Variants in SCAF11 observed in about 807,000 individuals in gnomAD.
SCAF11 encodes protein SCAF11.
In SCAF11, 47 loss-of-function variants were observed where a neutral mutation model predicts 140.5. The observed-to-expected ratio is 0.33, with a 90% confidence interval of 0.26 to 0.43. The LOEUF (loss-of-function observed/expected upper bound fraction) is 0.43, where lower values mean the gene tolerates loss of function less well. Among genes scored for constraint, SCAF11 ranks in the 20% least tolerant of loss-of-function variants. The probability of loss-of-function intolerance (pLI) is 1.00; values close to 1 mark genes in which losing one functional copy is unlikely to be tolerated. For synonymous variants in SCAF11, 557 were observed against 579.4 expected (o/e 0.96, Z 0.55); for missense variants, 1,645 against 1,705.1 (o/e 0.96, Z 0.62).
At position 45,964,439 on chromosome 12, in the gene SCAF11, G is replaced by A. The variant is rs574177015; in HGVS notation, c.-21-251C>T. On this transcript the variant is annotated intron_variant, in intron 1 of 14. Coordinates refer to ENST00000369367, the MANE Select transcript of SCAF11 (RefSeq NM_004719.3). ...TCCCAGCACTTTGGGAGGCCGAGGC[G>A]GGCGGATCACAAGTTCAGGAGATCG... 4.8e-3 allele frequency among the ~76,000 whole-genome samples: 736 copies of A among 152,196 alleles called. 4 individuals are homozygous for A. The highest frequency in any genetic ancestry group is 7.5e-3 in the Non-Finnish European group (511 of 67,980).
Position 45,948,657 on chromosome 12 carries a change from C to T in SCAF11, c.298-120G>A, listed in dbSNP as rs148404978. ...AACTGTCCAATTAAAAAGTGTAGTC[C>T]AAATACATATGCTTATTCATTCAAG... On this transcript the variant is annotated intron_variant, in intron 4 of 14. Coordinates refer to ENST00000369367, the MANE Select transcript of SCAF11 (RefSeq NM_004719.3). The T allele has an allele frequency of 2.7e-3, 1,708 of 637,582 alleles. 7 individuals carry two copies. Among genetic ancestry groups the T allele is most frequent in the Middle Eastern group, 0.019 (50 of 2,588 alleles). The allele number at this position is 637,582 out of a possible 1,614,324, so 39.5% of individuals were successfully genotyped here. A position where few individuals can be genotyped will look rare whatever the true frequency, so the allele number is the denominator to read the frequency against.
At chr12:45,960,030 A>G (rs1406516231) in intron 3 of SCAF11, among the ~76,000 whole-genome samples, 1 of 152,206 alleles carries the variant, frequency 6.6e-6, no homozygotes, top group African/African-American at 2.4e-5. Flanking sequence ...CTGCCATACC[A>G]TGTATGTTAT....
chr12:45,970,059 C>G (rs936743159), intron 1 of SCAF11, among the ~76,000 whole-genome samples: 20 of 152,230 alleles, frequency 1.3e-4, no homozygotes, highest in Non-Finnish European at 2.9e-5. Flanking sequence ...CCACGCCCAG[C>G]TAATTTTTGT....
chr12:45,922,403 T>TTA, intron 14 of SCAF11, 60 bp downstream of exon 14: 2 of 1,564,040 alleles, frequency 1.3e-6, no homozygotes, highest in Non-Finnish European at 1.7e-6. Context: ...CAGCATTCAT[T>TTA]TATTAAAACA....
Position 45,974,318 on chromosome 12 carries a change from C to A in SCAF11, c.-21-10130G>T, listed in dbSNP as rs11183270. 199 of 440,288 alleles carry A rather than the reference C, an allele frequency of 4.5e-4. 3 individuals carry two copies. In the East Asian group the frequency reaches 0.01, roughly 23 times the overall value. The allele number at this position is 440,288 out of a possible 1,614,324, so 27.3% of individuals were successfully genotyped here. On this transcript the variant is annotated intron_variant, in intron 1 of 14. Transcript: ENST00000369367. ...TCACAGGATGGTAGTTGCTGAAGGG[C>A]AGGGTTGGCTGTGGCAATTCCTTAA...
Position 45,928,265 on chromosome 12 carries a change from G to A in SCAF11, c.1436C>T (p.Ala479Val). 1 of 1,613,930 alleles carries A rather than the reference G, an allele frequency of 6.2e-7. No homozygotes were observed. Among genetic ancestry groups the A allele is most frequent in the South Asian group, 1.1e-5 (1 of 91,072 alleles). ...RVGSSSSESC[A>V]QDLPVLVGEE... ...ACCAACTAGCACAGGAAGATCTTGAGCACAAGACTCAGAAGATGAAGATCC... is the reference window on the plus strand; with the variant it reads ...ACCAACTAGCACAGGAAGATCTTGAACACAAGACTCAGAAGATGAAGATCC... Residue 479 changes from alanine (A) to valine (V), a missense_variant, in exon 11 of 15, where the codon GCT becomes GTT. Coordinates refer to ENST00000369367, the MANE Select transcript of SCAF11 (RefSeq NM_004719.3).
chr12:45,991,590 T>C (rs1018995294), upstream of SCAF11, among the ~76,000 whole-genome samples: 2 of 152,168 alleles, frequency 1.3e-5, no homozygotes, highest in Admixed American at 1.3e-4. Flanking sequence ...TATCATTATT[T>C]ACTTAAAAGG....
At chr12:45,952,829 T>C (rs188614764) in intron 3 of SCAF11, among the ~76,000 whole-genome samples, 2 of 152,312 alleles carry the variant, frequency 1.3e-5, no homozygotes, top group Admixed American at 6.5e-5. Context: ...CTAATAGCAA[T>C]AGTCTCAAAG....
intron 10 of SCAF11, chr12:45,929,620 G>C (rs569297307): frequency 6.6e-6 from 1 of 152,296 alleles, no homozygotes; most frequent in East Asian, 1.9e-4. Flanking sequence ...CTTCTAATCA[G>C]TTCCTCAAAG....
Position 45,928,289 on chromosome 12 carries a change from C to G in SCAF11, c.1412G>C (p.Gly471Ala), listed in dbSNP as rs1486567769. 6.2e-7 allele frequency: 1 copy of G among 1,613,968 alleles called. No homozygotes were observed. The highest frequency in any genetic ancestry group is 8.5e-7 in the Non-Finnish European group (1 of 1,179,966). ...AGCACAAGACTCAGAAGATGAAGAT[C>G]CTACTCTTTCCTCTGTATCATAATT... The part of the protein sequence containing the change: ...TANYDTEERV[G>A]SSSSESCAQD... The change falls in exon 11 of 15, where the codon GGA becomes GCA. Residue 471 changes from glycine (G) to alanine (A), a missense_variant. Coordinates refer to ENST00000369367, the MANE Select transcript of SCAF11 (RefSeq NM_004719.3).
intron 1 of SCAF11, among the ~76,000 whole-genome samples, chr12:45,972,344 G>A (rs1047240168): frequency 2.6e-5 from 4 of 152,024 alleles, no homozygotes; most frequent in Non-Finnish European, 5.9e-5. Flanking sequence ...CACTTTAAGA[G>A]GTCAAGATGG....
At chr12:45,979,575 T>A (rs750340333) in intron 1 of SCAF11, among the ~76,000 whole-genome samples, 1 of 152,192 alleles carries the variant, frequency 6.6e-6, no homozygotes, top group Non-Finnish European at 1.5e-5. Flanking sequence ...TTCTTCATAC[T>A]AATCCCTTAC....
At chr12:45,990,134 G>A (rs1177159086) in intron 1 of SCAF11, among the ~76,000 whole-genome samples, 4 of 151,806 alleles carry the variant, frequency 2.6e-5, no homozygotes, top group East Asian at 2.0e-4. Context: ...GGCAGCGAGA[G>A]GGAAAGGGGC....
chr12:45,969,679 A>ATGAT (rs1288412883), intron 1 of SCAF11, among the ~76,000 whole-genome samples: 6 of 152,260 alleles, frequency 3.9e-5, no homozygotes, highest in Admixed American at 6.5e-5. Flanking sequence ...CTAAAAAAAG[A>ATGAT]TAAATCAACA....
chr12:45,990,913 A>T (rs1328838980), upstream of SCAF11, among the ~76,000 whole-genome samples: 4 of 152,230 alleles, frequency 2.6e-5, no homozygotes, highest in African/African-American at 9.6e-5. Flanking sequence ...GATGGTGCGC[A>T]TGCGCAGCGC....
chr12:45,972,411 C>T (rs188031854), intron 1 of SCAF11, among the ~76,000 whole-genome samples: 2 of 151,784 alleles, frequency 1.3e-5, no homozygotes, highest in African/African-American at 4.8e-5. Flanking sequence ...GTGAGATCCT[C>T]TCTCTACAAA....
intron 6 of SCAF11, chr12:45,934,873 T>C (rs1945134444): frequency 6.5e-6 from 1 of 153,768 alleles, no homozygotes; most frequent in Non-Finnish European, 1.4e-5. Context: ...AATAATACAC[T>C]TAACATTTCT....
At position 45,945,863 on chromosome 12, in the gene SCAF11, A is replaced by T. The variant is rs565182292; in HGVS notation, c.399-550T>A. On this transcript the variant is annotated intron_variant, in intron 5 of 14. Coordinates refer to ENST00000369367, the MANE Select transcript of SCAF11 (RefSeq NM_004719.3). ...ATTTTTTATTCTTATTCTTATTATT[A>T]TTTTTTTTACTAGACACGAGGTCTC... Among the ~76,000 whole-genome samples, 15 of 151,036 alleles carry T rather than the reference A, an allele frequency of 9.9e-5. No homozygotes were observed. In the East Asian group the frequency reaches 2.9e-3, roughly 29 times the overall value.
rs762825866 is a variant in SCAF11 at position 45,927,230 on chromosome 12, C to T, written c.2471G>A (p.Gly824Glu). The T allele has an allele frequency of 5.0e-6, 8 of 1,614,072 alleles. No individual in the cohort carries two copies. The East Asian group carries it at 1.8e-4, about 36-fold the overall frequency. Reference protein sequence around the residue: ...PQSPSPRRETGKESRKSQSPS... With the variant: ...PQSPSPRRETEKESRKSQSPS... ...TGATTGAGACTTCCTGCTTTCTTTC[C>T]CAGTTTCTCTTCTGGGAGATGGAGA... Residue 824 changes from glycine (G) to glutamate (E), a missense_variant, in exon 11 of 15, where the codon GGG (glycine) becomes GAG (glutamate). This residue lies in a region of SCAF11 where 1,582 missense variants were observed against 1,609.2 expected (regional missense o/e 0.98). Transcript: ENST00000369367.
Sources: gnomAD v4.1 joint callset for allele counts (sites outside exome capture counted in the v4.1 genomes callset) on GRCh38, gnomAD v4.1.1 for gene constraint, gnomAD v4.1.1 regional missense constraint, MANE v1.5 for transcripts, NCBI Gene and HGNC (gene_info 2026-07-23, HGNC 2026-07-21) for gene names.